The following NMRAL1 variants were observed in gnomAD, a reference collection of about 807,000 sequenced individuals.
NMRAL1 encodes NmrA like redox sensor 1.
NMRAL1 carries 32 observed loss-of-function variants against 27.5 expected under a neutral mutation model. The ratio of observed to expected loss-of-function variants is 1.16; its 90% CI spans 0.88 to 1.56. NMRAL1 has a LOEUF of 1.56. NMRAL1 is among the 40% of genes most tolerant of loss of function. The pLI is 0.00. For synonymous variants in NMRAL1, 166 were observed against 166.8 expected (o/e 1.00, Z 0.04); for missense variants, 420 against 392.0 (o/e 1.07, Z -0.60).
At chr16:4,470,977 G>A (rs1472520635) in intron 2 of NMRAL1, among the ~76,000 whole-genome samples, 1 of 150,964 alleles carries the variant, frequency 6.6e-6, no homozygotes, top group East Asian at 2.0e-4. Flanking sequence ...TGGGCATGGT[G>A]GAGCCTGTAA....
Position 4,469,410 on chromosome 16 carries a change from A to C in NMRAL1, c.96T>G (p.Val32=), listed in dbSNP as rs1403976796. Residue 32 remains valine (V), a synonymous_variant, in exon 3 of 6, where the codon GTT becomes GTG. Transcript: ENST00000283429. Reference sequence around the variant, plus strand: ...TCCTAGGGTTTCGGGTCACCACTCGAACCTTGAATGTCCCATCTTCCAGGA... The same window carrying C: ...TCCTAGGGTTTCGGGTCACCACTCGCACCTTGAATGTCCCATCTTCCAGGA... ...RTLLEDGTFK[V]RVVTRNPRKK... is the part of the protein sequence containing the mutation. The C allele has an allele frequency of 1.2e-6, 2 of 1,614,020 alleles. No homozygotes were observed. Among genetic ancestry groups the C allele is most frequent in the South Asian group, 1.1e-5 (1 of 91,076 alleles).
chr16:4,472,775 C>T (rs928230727), intron 2 of NMRAL1, among the ~76,000 whole-genome samples: 2 of 150,690 alleles, frequency 1.3e-5, no homozygotes, highest in African/African-American at 4.9e-5. Flanking sequence ...AAAGCCCGGA[C>T]ACACACTACA....
intron 3 of NMRAL1, among the ~76,000 whole-genome samples, chr16:4,467,910 G>T (rs1216027583): frequency 1.3e-5 from 2 of 151,980 alleles, no homozygotes; most frequent in Non-Finnish European, 2.9e-5. Context: ...ATGAGCCACT[G>T]TGCCCAGCTG....
chr16:4,465,038 G>T (rs921969871), intron 4 of NMRAL1, among the ~76,000 whole-genome samples: 2 of 152,062 alleles, frequency 1.3e-5, no homozygotes, highest in African/African-American at 4.8e-5. Flanking sequence ...CTCCCGAGTA[G>T]CTGGGATTAC....
In NMRAL1 at chr16:4,468,316, A is replaced by G. The variant is rs552746287; in HGVS notation, c.279+911T>C. Reference sequence around the variant, plus strand: ...AAACTCGGCCTCAAAAAATAAAGAAAGAAATAAGATCAGCTCAGGGCCGGG... The same window carrying G: ...AAACTCGGCCTCAAAAAATAAAGAAGGAAATAAGATCAGCTCAGGGCCGGG... On this transcript the variant is annotated intron_variant, in intron 3 of 5. Coordinates refer to ENST00000283429, the MANE Select transcript of NMRAL1 (RefSeq NM_020677.6). Among the ~76,000 whole-genome samples the G allele has an allele frequency of 1.5e-4, 23 of 151,406 alleles. No individual in the cohort carries two copies. The South Asian group carries it at 4.6e-3, about 30-fold the overall frequency.
intron 2 of NMRAL1, among the ~76,000 whole-genome samples, chr16:4,470,470 C>A (rs1315181953): frequency 6.6e-6 from 1 of 150,844 alleles, no homozygotes; most frequent in Non-Finnish European, 1.5e-5. Context: ...AACTTGGTCT[C>A]AAAAAAATAA....
intron 3 of NMRAL1, among the ~76,000 whole-genome samples, chr16:4,468,585 C>T (rs1210578543): frequency 2.0e-5 from 3 of 148,928 alleles, no homozygotes; most frequent in African/African-American, 5.0e-5. Context: ...CACTGCACTC[C>T]GGCCTGGGCG....
chr16:4,469,205 T>G lies in NMRAL1; in HGVS notation c.279+22A>C, dbSNP rs2057451128. The G allele has an allele frequency of 1.9e-6, 3 of 1,572,272 alleles. No individual in the cohort carries two copies. The South Asian group carries it at 3.3e-5, about 17-fold the overall frequency. ...TGCTCCTAGCCTGGCCGGGCCTCCC[T>G]GCAGCTCCTGCCTGCCCTCACCTGC... On this transcript the variant is annotated intron_variant, in intron 3 of 5. Transcript: ENST00000283429.
intron 2 of NMRAL1, among the ~76,000 whole-genome samples, chr16:4,473,346 G>A (rs1394763174): frequency 6.6e-6 from 1 of 152,098 alleles, no homozygotes; most frequent in Non-Finnish European, 1.5e-5. Context: ...GAATACACTA[G>A]AAACCAGTGA....
intron 2 of NMRAL1, 79 bp downstream of exon 2, chr16:4,474,014 C>T (rs941761578): frequency 3.4e-6 from 4 of 1,160,340 alleles, no homozygotes; most frequent in Non-Finnish European, 5.1e-6. Context: ...CTTACCCCTC[C>T]CTGCAGACCC....
chr16:4,466,581 A>G, intron 3 of NMRAL1, 179 bp from the exon 4 acceptor site: 2 of 621,762 alleles, frequency 3.2e-6, no homozygotes, highest in South Asian at 3.9e-5. Context: ...CCACGCCCGT[A>G]AACACAGCCC....
intron 2 of NMRAL1, chr16:4,469,680 G>C: frequency 2.0e-6 from 2 of 998,152 alleles, no homozygotes; most frequent in Non-Finnish European, 2.8e-6. Flanking sequence ...CACGATCTTG[G>C]CTTGGTGAAA....
Position 4,463,642 on chromosome 16 carries a change from C to G in NMRAL1, c.720+18G>C, listed in dbSNP as rs1328616054. On this transcript the variant is annotated intron_variant, in intron 5 of 5. Coordinates refer to ENST00000283429, the MANE Select transcript of NMRAL1 (RefSeq NM_020677.6). ...GCCCTGACAAGGATGCCTGAGTCAC[C>G]TGGGGCGGGAGGCCCACCTTGGCAT... 2 of 1,611,304 alleles carry G rather than the reference C, an allele frequency of 1.2e-6. No individual in the cohort carries two copies. The highest frequency in any genetic ancestry group is 1.7e-6 in the Non-Finnish European group (2 of 1,179,666).
At chr16:4,474,194 G>A (rs1332800247) in intron 1 of NMRAL1, 28 bp from the exon 2 acceptor site, 1 of 1,565,180 alleles carries the variant, frequency 6.4e-7, no homozygotes, top group African/African-American at 1.4e-5. Flanking sequence ...CGTGGAGTTG[G>A]GGGTGGGGCC....
chr16:4,463,494 C>T (rs1204264030), intron 5 of NMRAL1, 166 bp downstream of exon 5: 2 of 609,064 alleles, frequency 3.3e-6, no homozygotes, highest in Non-Finnish European at 5.5e-6. Flanking sequence ...AGAAATTTCA[C>T]TCTGTGGCCA....
At chr16:4,462,745 C>T (rs778123585) in intron 5 of NMRAL1, among the ~76,000 whole-genome samples, 3 of 151,994 alleles carry the variant, frequency 2.0e-5, no homozygotes, top group South Asian at 2.1e-4. Context: ...AGGATGGTCT[C>T]GATTTCCTGA....
intron 2 of NMRAL1, among the ~76,000 whole-genome samples, chr16:4,472,681 T>G (rs538654637): frequency 6.7e-6 from 1 of 150,136 alleles, no homozygotes; most frequent in South Asian, 2.1e-4. Context: ...GTGGCAGAAG[T>G]TGCAGTGAGC....
intron 2 of NMRAL1, among the ~76,000 whole-genome samples, chr16:4,471,968 A>G (rs1377264723): frequency 6.6e-6 from 1 of 152,024 alleles, no homozygotes; most frequent in Non-Finnish European, 1.5e-5. Flanking sequence ...CCAGCTACTC[A>G]GGCGAATGAG....
intron 4 of NMRAL1, among the ~76,000 whole-genome samples, chr16:4,464,904 C>G (rs1211570339): frequency 6.6e-6 from 1 of 150,986 alleles, no homozygotes; most frequent in Non-Finnish European, 1.5e-5. Flanking sequence ...GCGTAAGCCA[C>G]CGTGCCCGGC....
Sources: gnomAD v4.1 joint callset for allele counts (sites outside exome capture counted in the v4.1 genomes callset) on GRCh38, gnomAD v4.1.1 for gene constraint, MANE v1.5 for transcripts, NCBI Gene and HGNC (gene_info 2026-07-23, HGNC 2026-07-21) for gene names.